Variants in ALKBH1 observed in about 807,000 individuals in gnomAD.
ALKBH1 encodes the protein nucleic acid dioxygenase ALKBH1.
In ALKBH1, 31 loss-of-function variants were observed where a neutral mutation model predicts 36.6. That is an observed-to-expected ratio of 0.85 (90% CI 0.64 to 1.14). The LOEUF is 1.14. ALKBH1 is among the 50% of genes most tolerant of loss of function. The pLI, the probability that ALKBH1 is intolerant of heterozygous loss-of-function variation, is 0.00. For synonymous variants in ALKBH1, 183 were observed against 186.6 expected (o/e 0.98, Z 0.16); for missense variants, 490 against 497.3 (o/e 0.99, Z 0.14).
intron 2 of ALKBH1, 21 bp downstream of exon 2, chr14:77,704,348 T>C: frequency 6.4e-7 from 1 of 1,560,292 alleles, no homozygotes; most frequent in Non-Finnish European, 8.8e-7. Flanking sequence ...TATTGCCTTC[T>C]CTGAGGTCAG....
chr14:77,701,236 GATAAAT>G (rs1422258848), intron 2 of ALKBH1, among the ~76,000 whole-genome samples: 5 of 152,138 alleles, frequency 3.3e-5, no homozygotes, highest in Non-Finnish European at 7.3e-5. Flanking sequence ...TTAAGTGCTT[GATAAAT>G]GCACTGATCT....
At chr14:77,692,376 T>C (rs1351563809) in intron 3 of ALKBH1, among the ~76,000 whole-genome samples, 1 of 147,976 alleles carries the variant, frequency 6.8e-6, no homozygotes, top group African/African-American at 2.5e-5. Context: ...GGAAGAGAAT[T>C]TGTCCATGGA....
intron 3 of ALKBH1, among the ~76,000 whole-genome samples, chr14:77,681,725 AAAC>A (rs2080239154): frequency 6.6e-6 from 1 of 152,258 alleles, no homozygotes; most frequent in Non-Finnish European, 1.5e-5. Flanking sequence ...TAAACTGTGC[AAAC>A]AATATGGTTT....
chr14:77,674,446 T>C (rs116215452), intron 5 of ALKBH1, among the ~76,000 whole-genome samples: 1,695 of 152,312 alleles, frequency 0.011, 34 homozygotes, highest in African/African-American at 0.039. Context: ...CTTCTACCTA[T>C]AGTTATGACA....
chr14:77,675,586 T>C, intron 5 of ALKBH1, 70 bp downstream of exon 5: 1 of 1,389,814 alleles, frequency 7.2e-7, no homozygotes, highest in Admixed American at 2.1e-5. Context: ...GTATTTATTT[T>C]AGAGTAAAAT....
intron 3 of ALKBH1, among the ~76,000 whole-genome samples, chr14:77,685,816 A>C (rs1268365108): frequency 6.6e-6 from 1 of 152,062 alleles, no homozygotes; most frequent in Non-Finnish European, 1.5e-5. Context: ...ATAGAGGATG[A>C]CTGGTCCAGG....
intron 2 of ALKBH1, among the ~76,000 whole-genome samples, chr14:77,696,411 A>C (rs1322037968): frequency 6.6e-6 from 1 of 152,112 alleles, no homozygotes; most frequent in Non-Finnish European, 1.5e-5. Flanking sequence ...GCTGGTCTGT[A>C]CTAGGCACTT....
intron 5 of ALKBH1, among the ~76,000 whole-genome samples, chr14:77,674,679 A>T (rs897586939): frequency 6.6e-6 from 1 of 152,092 alleles, no homozygotes; most frequent in African/African-American, 2.4e-5. Context: ...CAGCCTCCAG[A>T]GTAGCAGGGA....
At chr14:77,680,282 T>C (rs913300797) in intron 3 of ALKBH1, among the ~76,000 whole-genome samples, 2 of 152,206 alleles carry the variant, frequency 1.3e-5, no homozygotes, top group African/African-American at 4.8e-5. Flanking sequence ...TGTCTTTACC[T>C]GTCCATGGGA....
At chr14:77,701,046 G>C (rs970313098) in intron 2 of ALKBH1, among the ~76,000 whole-genome samples, 3 of 152,150 alleles carry the variant, frequency 2.0e-5, no homozygotes, top group Non-Finnish European at 4.4e-5. Flanking sequence ...AGTGAAGCGT[G>C]ATTGTGCTAC....
intron 2 of ALKBH1, among the ~76,000 whole-genome samples, chr14:77,703,469 G>C (rs927356513): frequency 1.3e-5 from 2 of 151,028 alleles, no homozygotes; most frequent in East Asian, 3.9e-4. Context: ...TTTTGTTTTT[G>C]TATTTTCAGT....
At chr14:77,688,541 A>C (rs1434875218) in intron 3 of ALKBH1, among the ~76,000 whole-genome samples, 3 of 142,058 alleles carry the variant, frequency 2.1e-5, no homozygotes, top group African/African-American at 8.1e-5. Flanking sequence ...GGTGTGAGCC[A>C]CTGCACCCAG....
At chr14:77,700,676 T>C (rs189518687) in intron 2 of ALKBH1, among the ~76,000 whole-genome samples, 103 of 152,250 alleles carry the variant, frequency 6.8e-4, no homozygotes, top group Non-Finnish European at 1.2e-3. Context: ...TTCCCAAACA[T>C]ATTAGACTAA....
intron 5 of ALKBH1, among the ~76,000 whole-genome samples, chr14:77,675,220 C>A (rs2080198306): frequency 6.6e-6 from 1 of 151,796 alleles, no homozygotes; most frequent in Non-Finnish European, 1.5e-5. Flanking sequence ...ATTGCCTGAG[C>A]TCAGGAGTTC....
At chr14:77,675,506 C>A in intron 5 of ALKBH1, 150 bp downstream of exon 5, 1 of 557,256 alleles carries the variant, frequency 1.8e-6, no homozygotes, top group East Asian at 2.9e-5. Context: ...GAGATACTAA[C>A]TATAATTTAT....
At chr14:77,679,241 C>A (rs1282501340) in intron 4 of ALKBH1, among the ~76,000 whole-genome samples, 6 of 151,514 alleles carry the variant, frequency 4.0e-5, no homozygotes, top group Admixed American at 2.0e-4. Flanking sequence ...GCTTTTGTTG[C>A]ACAATAAAAA....
intron 3 of ALKBH1, among the ~76,000 whole-genome samples, chr14:77,680,313 G>A (rs1454219100): frequency 1.3e-5 from 2 of 152,122 alleles, no homozygotes; most frequent in Non-Finnish European, 2.9e-5. Context: ...AGAGCACTAT[G>A]GGCAATCAAA....
intron 3 of ALKBH1, among the ~76,000 whole-genome samples, chr14:77,684,355 C>CT (rs2080255931): frequency 6.9e-6 from 1 of 144,022 alleles, no homozygotes; most frequent in African/African-American, 2.5e-5. Flanking sequence ...TAACAGATTG[C>CT]TTTATTCTTT....
chr14:77,674,034 A>C lies in ALKBH1; in HGVS notation c.948T>G (p.Asp316Glu). Reference protein sequence around the residue: ...EAPLPAVLPRDSMVEPCSMED... With the variant: ...EAPLPAVLPRESMVEPCSMED... Reference sequence around the variant, plus strand: ...CCATAGAACAAGGCTCTACCATTGAATCTCTCGGGAGGACAGCAGGGAGAG... The same window carrying C: ...CCATAGAACAAGGCTCTACCATTGACTCTCTCGGGAGGACAGCAGGGAGAG... The change falls in exon 6 of 6, where the codon GAT (aspartate) becomes GAG (glutamate). Residue 316 changes from aspartate to glutamate, a missense_variant. Physicochemically the swap from Asp to Glu is conservative, Grantham distance 45. Transcript: ENST00000216489. 3 of 1,614,178 alleles carry C rather than the reference A, an allele frequency of 1.9e-6. No individual in the cohort carries two copies. Among genetic ancestry groups the C allele is most frequent in the Non-Finnish European group, 2.5e-6 (3 of 1,180,038 alleles).
Sources: gnomAD v4.1 joint callset for allele counts (sites outside exome capture counted in the v4.1 genomes callset) on GRCh38, gnomAD v4.1.1 for gene constraint, MANE v1.5 for transcripts, NCBI Gene and HGNC (gene_info 2026-07-23, HGNC 2026-07-21) for gene names.